SLC10A7: variants seen among roughly 807,000 people sequenced by gnomAD.
SLC10A7 encodes the protein solute carrier family 10 member 7, also known as sodium/bile acid cotransporter 7.
A neutral mutation model predicts 43.2 loss-of-function variants in SLC10A7; 29 were observed. That is an observed-to-expected ratio of 0.67 (90% CI 0.50 to 0.92). SLC10A7 has a LOEUF of 0.92. Ranked by LOEUF, SLC10A7 falls within the 40% of genes least tolerant of loss-of-function variation. The pLI is 0.00. For missense variants in SLC10A7, 295 were observed against 403.2 expected, an observed-to-expected ratio of 0.73 and a Z score of 2.30; for synonymous variants, 152 against 144.8, an observed-to-expected ratio of 1.05 and a Z score of -0.35.
intron 4 of SLC10A7, among the ~76,000 whole-genome samples, chr4:146,449,626 A>G (rs993441422): frequency 6.6e-6 from 1 of 152,074 alleles, no homozygotes; most frequent in African/African-American, 2.4e-5. Context: ...AGTGGTTGGA[A>G]GTAGAAAAGG....
At chr4:146,273,546 G>A (rs1260404838) in intron 10 of SLC10A7, among the ~76,000 whole-genome samples, 1 of 152,108 alleles carries the variant, frequency 6.6e-6, no homozygotes, top group South Asian at 2.1e-4. Flanking sequence ...GACAGTGTAT[G>A]GGAAGTACCT....
chr4:146,265,467 G>C (rs1315700264), intron 10 of SLC10A7, among the ~76,000 whole-genome samples: 1 of 152,134 alleles, frequency 6.6e-6, no homozygotes, highest in Non-Finnish European at 1.5e-5. Flanking sequence ...CCATGATGAA[G>C]GTGGCTTTCC....
At chr4:146,308,763 A>G (rs1371612836) in intron 6 of SLC10A7, among the ~76,000 whole-genome samples, 1 of 152,194 alleles carries the variant, frequency 6.6e-6, no homozygotes, top group Non-Finnish European at 1.5e-5. Context: ...CAAACAATCC[A>G]GTCCCTGGCT....
At chr4:146,436,089 CAG>C (rs1730188844) in intron 5 of SLC10A7, among the ~76,000 whole-genome samples, 1 of 151,984 alleles carries the variant, frequency 6.6e-6, no homozygotes, top group Admixed American at 6.6e-5. Flanking sequence ...AAAGTTGCTT[CAG>C]CCTCCACCAA....
At chr4:146,403,224 G>A (rs1026952085) in intron 5 of SLC10A7, among the ~76,000 whole-genome samples, 30 of 152,032 alleles carry the variant, frequency 2.0e-4, no homozygotes, top group African/African-American at 6.8e-4. Context: ...AATTCATGTT[G>A]TAGTAATTCT....
chr4:146,330,765 A>G (rs932124573), intron 5 of SLC10A7, among the ~76,000 whole-genome samples: 1 of 152,238 alleles, frequency 6.6e-6, no homozygotes, highest in African/African-American at 2.4e-5. Flanking sequence ...CATTATATAC[A>G]GATGGGAACT....
intron 5 of SLC10A7, among the ~76,000 whole-genome samples, chr4:146,336,678 A>T (rs528116252): frequency 6.5e-4 from 99 of 152,112 alleles, no homozygotes; most frequent in African/African-American, 2.2e-3. Flanking sequence ...TATTTACTTT[A>T]CCATTTCTAA....
intron 4 of SLC10A7, among the ~76,000 whole-genome samples, chr4:146,464,720 T>C (rs1326062269): frequency 6.6e-6 from 1 of 152,010 alleles, no homozygotes; most frequent in Non-Finnish European, 1.5e-5. Flanking sequence ...ACAGTCATTA[T>C]CAAAGTAGTC....
At chr4:146,471,931 G>A (rs889860954) in intron 4 of SLC10A7, among the ~76,000 whole-genome samples, 8 of 151,884 alleles carry the variant, frequency 5.3e-5, no homozygotes, top group Admixed American at 2.6e-4. Flanking sequence ...TCAAATTCAC[G>A]AACTCAAGAA....
intron 3 of SLC10A7, among the ~76,000 whole-genome samples, chr4:146,508,435 T>A (rs1162659225): frequency 6.6e-6 from 1 of 152,256 alleles, no homozygotes; most frequent in African/African-American, 2.4e-5. Flanking sequence ...CATATTTATG[T>A]GGCATTTTAC....
intron 5 of SLC10A7, among the ~76,000 whole-genome samples, chr4:146,413,711 T>A (rs1467060862): frequency 2.6e-5 from 4 of 152,166 alleles, no homozygotes; most frequent in African/African-American, 4.8e-5. Context: ...ATTAAGCCTA[T>A]CACCCAGAGT....
intron 5 of SLC10A7, among the ~76,000 whole-genome samples, chr4:146,367,910 G>T (rs2244306): frequency 0.82 from 124,533 of 152,190 alleles, 51,756 homozygotes; most frequent in African/African-American, 0.95. Flanking sequence ...TTCAATCAAA[G>T]AACAATAGCA....
chr4:146,258,595 G>A, intron 11 of SLC10A7, 97 bp downstream of exon 11: 1 of 1,177,282 alleles, frequency 8.5e-7, no homozygotes, highest in Non-Finnish European at 1.2e-6. Context: ...TGAAAACAAA[G>A]ATATGCAAGC....
chr4:146,444,332 T>C (rs1284150788), intron 4 of SLC10A7, among the ~76,000 whole-genome samples: 1 of 152,234 alleles, frequency 6.6e-6, no homozygotes, highest in Non-Finnish European at 1.5e-5. Context: ...CCTTTGAGCC[T>C]GTCTCTTCTG....
intron 4 of SLC10A7, among the ~76,000 whole-genome samples, chr4:146,450,305 C>A (rs1731471152): frequency 6.6e-6 from 1 of 152,068 alleles, no homozygotes; most frequent in African/African-American, 2.4e-5. Flanking sequence ...GCATTTACAT[C>A]ATATGTTAGG....
intron 4 of SLC10A7, among the ~76,000 whole-genome samples, chr4:146,464,451 TAA>T (rs1296305073): frequency 2.0e-5 from 3 of 152,102 alleles, no homozygotes; most frequent in Middle Eastern, 3.2e-3. Context: ...GCTTCTGTAA[TAA>T]AAAGTTATTA....
intron 10 of SLC10A7, among the ~76,000 whole-genome samples, chr4:146,269,673 T>C (rs761873981): frequency 6.6e-6 from 1 of 152,190 alleles, no homozygotes; most frequent in Non-Finnish European, 1.5e-5. Context: ...TTACAGAGTT[T>C]TTTAGATGTA....
At chr4:146,520,952 T>A (rs1219665739) in intron 1 of SLC10A7, among the ~76,000 whole-genome samples, 2 of 152,120 alleles carry the variant, frequency 1.3e-5, no homozygotes, top group Non-Finnish European at 2.9e-5. Flanking sequence ...CACATTTCCT[T>A]GCCAAAACAC....
At chr4:146,513,857 C>T (rs565350605) in intron 2 of SLC10A7, 6 of 152,276 alleles carry the variant, frequency 3.9e-5, no homozygotes, top group South Asian at 2.1e-4. Flanking sequence ...GAATTTTGAG[C>T]CACATAGTCA....
Sources: allele counts gnomAD v4.1 joint callset (sites outside exome capture counted in the v4.1 genomes callset), GRCh38; gene constraint gnomAD v4.1.1; transcripts MANE v1.5; gene names NCBI Gene and HGNC (gene_info 2026-07-23, HGNC 2026-07-21).